Variants in KATNA1 observed in about 807,000 individuals in gnomAD.
KATNA1 encodes katanin catalytic subunit A1.
Under a neutral mutation model 62.6 loss-of-function variants are expected in KATNA1, and 42 were observed. The observed-to-expected ratio is 0.67, with a 90% CI of 0.52 to 0.87. The LOEUF (loss-of-function observed/expected upper bound fraction) is 0.87. KATNA1 is among the 40% of genes least tolerant of loss of function. The pLI, the probability that KATNA1 is intolerant of heterozygous loss-of-function variation, is 0.00. For synonymous variants in KATNA1, 186 were observed against 201.9 expected (o/e 0.92, Z 0.67); for missense variants, 498 against 612.5 (o/e 0.81, Z 1.97).
At chr6:149,625,762 C>T (rs1213337333) in intron 3 of KATNA1, among the ~76,000 whole-genome samples, 3 of 151,946 alleles carry the variant, frequency 2.0e-5, no homozygotes, top group South Asian at 2.1e-4. Context: ...GGCGAAACCC[C>T]GTCTCTACTA....
intron 4 of KATNA1, among the ~76,000 whole-genome samples, chr6:149,621,123 CTTTTT>C (rs1282414027): frequency 7.4e-6 from 1 of 135,820 alleles, no homozygotes; most frequent in Admixed American, 7.5e-5. Flanking sequence ...CCTATGCCTT[CTTTTT>C]TTTTTTTTTT....
At chr6:149,614,392 C>A (rs1276905637) in intron 4 of KATNA1, among the ~76,000 whole-genome samples, 1 of 152,180 alleles carries the variant, frequency 6.6e-6, no homozygotes. Context: ...TTCCCCCATC[C>A]CCTTCATTTT....
chr6:149,611,392 G>A (rs1469259715), intron 4 of KATNA1, among the ~76,000 whole-genome samples: 1 of 150,196 alleles, frequency 6.7e-6, no homozygotes, highest in East Asian at 2.0e-4. Flanking sequence ...AACCTGGGAG[G>A]TGGAGGTTGC....
At chr6:149,598,435 C>CT in intron 7 of KATNA1, 85 bp from the exon 8 acceptor site, 1 of 1,367,526 alleles carries the variant, frequency 7.3e-7, no homozygotes, top group Non-Finnish European at 1.0e-6. Flanking sequence ...CAGAAAATAG[C>CT]TGAGGGAGGC....
chr6:149,628,819 C>CA (rs1285574683), intron 3 of KATNA1, among the ~76,000 whole-genome samples: 1,241 of 92,628 alleles, frequency 0.013, 21 homozygotes, highest in African/African-American at 0.043. Context: ...GACTCCATCT[C>CA]AAAAAAAAAA....
At chr6:149,639,182 C>G (rs567058777) in intron 1 of KATNA1, among the ~76,000 whole-genome samples, 1 of 150,192 alleles carries the variant, frequency 6.7e-6, no homozygotes, top group African/African-American at 2.4e-5. Context: ...GCCTATAGTC[C>G]CAGCTACTTG....
intron 3 of KATNA1, among the ~76,000 whole-genome samples, chr6:149,628,907 A>T (rs1274607461): frequency 1.3e-5 from 2 of 152,160 alleles, no homozygotes; most frequent in Non-Finnish European, 2.9e-5. Context: ...ATATTAAAAG[A>T]TGCCCAGTTA....
intron 6 of KATNA1, 67 bp from the exon 7 acceptor site, chr6:149,601,819 T>A (rs756203889): frequency 3.8e-5 from 49 of 1,294,850 alleles, no homozygotes; most frequent in Admixed American, 2.0e-4. Context: ...AAAAGTGTCA[T>A]TACTAAGTAG....
chr6:149,604,514 G>C (rs1042966247), intron 5 of KATNA1, 147 bp downstream of exon 5: 2 of 827,428 alleles, frequency 2.4e-6, no homozygotes, highest in African/African-American at 3.5e-5. Context: ...AATTGGAATA[G>C]GCTGAATGCA....
chr6:149,630,553 G>C (rs779904246), intron 3 of KATNA1, among the ~76,000 whole-genome samples: 5 of 152,128 alleles, frequency 3.3e-5, no homozygotes, highest in Non-Finnish European at 7.3e-5. Flanking sequence ...TGCTTGAACC[G>C]GGAGGCGGAG....
intron 7 of KATNA1, 107 bp from the exon 8 acceptor site, chr6:149,598,457 GCT>G: frequency 9.4e-7 from 1 of 1,068,934 alleles, no homozygotes; most frequent in Non-Finnish European, 1.4e-6. Flanking sequence ...GGGCACAGTG[GCT>G]CACACCTGTA....
At chr6:149,605,360 C>T (rs1778699466) in intron 4 of KATNA1, among the ~76,000 whole-genome samples, 1 of 152,108 alleles carries the variant, frequency 6.6e-6, no homozygotes. Flanking sequence ...AAGTGAATAT[C>T]AGATATACAC....
intron 4 of KATNA1, among the ~76,000 whole-genome samples, chr6:149,615,132 C>CAAAAAAAAAAAAAAAAAA (rs893824279): frequency 4.4e-5 from 2 of 45,644 alleles, no homozygotes; most frequent in African/African-American, 1.6e-4. Flanking sequence ...GACTCTGTCT[C>CAAAAAAAAAAAAAAAAAA]AAAAAAAAAA....
intron 4 of KATNA1, among the ~76,000 whole-genome samples, chr6:149,616,438 T>C (rs1488368809): frequency 2.0e-5 from 3 of 152,176 alleles, no homozygotes; most frequent in African/African-American, 4.8e-5. Flanking sequence ...GCAGCCACTG[T>C]GGAAAACAGT....
chr6:149,641,342 A>G (rs960484883), intron 1 of KATNA1, among the ~76,000 whole-genome samples: 20 of 151,112 alleles, frequency 1.3e-4, no homozygotes, highest in Non-Finnish European at 2.1e-4. Context: ...ACGCTCGGCT[A>G]ATTTTTTGTA....
intron 2 of KATNA1, among the ~76,000 whole-genome samples, chr6:149,633,150 C>G (rs1779918077): frequency 7.4e-6 from 1 of 135,206 alleles, no homozygotes; most frequent in African/African-American, 2.9e-5. Flanking sequence ...GTCGCCCAGG[C>G]TGGAGTGCAG....
At chr6:149,610,972 C>A (rs1778931830) in intron 4 of KATNA1, among the ~76,000 whole-genome samples, 1 of 152,218 alleles carries the variant, frequency 6.6e-6, no homozygotes, top group Non-Finnish European at 1.5e-5. Context: ...ATAGTCTCAG[C>A]TACTTGGGAA....
intron 9 of KATNA1, 127 bp downstream of exon 9, chr6:149,597,380 A>T: frequency 8.1e-7 from 1 of 1,238,660 alleles, no homozygotes; most frequent in South Asian, 1.5e-5. Flanking sequence ...TAGCCAAACT[A>T]GTACTGTAAA....
chr6:149,597,625 A>C lies in KATNA1; in HGVS notation c.1032T>G (p.Ser344=). The C allele has an allele frequency of 1.2e-6, 2 of 1,613,942 alleles. No homozygotes were observed. Among genetic ancestry groups the C allele is most frequent in the Non-Finnish European group, 1.7e-6 (2 of 1,179,860 alleles). The change falls in exon 9 of 11, where the codon TCT becomes TCG. Residue 344 remains serine (S), a synonymous_variant. Transcript: ENST00000367411. ...CCATTTTGGAAGGGTCATCATTTTC[A>C]GAAGTACCTCCAACACCTAAAATAA... ...LVQMDGVGGT[S]ENDDPSKMVM... is the part of the protein sequence containing the mutation.
Sources: gnomAD v4.1 joint callset for allele counts (sites outside exome capture counted in the v4.1 genomes callset) on GRCh38, gnomAD v4.1.1 for gene constraint, MANE v1.5 for transcripts, NCBI Gene and HGNC (gene_info 2026-07-23, HGNC 2026-07-21) for gene names.